MOSMO: variants seen among roughly 807,000 people sequenced by gnomAD.
MOSMO encodes the protein modulator of smoothened, also known as modulator of smoothened protein.
A neutral mutation model predicts 18.4 loss-of-function variants in MOSMO; 5 were observed. The observed-to-expected ratio is 0.27, with a 90% CI of 0.14 to 0.57. The LOEUF is 0.57. MOSMO is among the 20% of genes least tolerant of loss of function. The pLI is 0.92. For synonymous variants in MOSMO, 82 were observed against 82.3 expected (o/e 1.00, Z 0.02); for missense variants, 138 against 211.8 (o/e 0.65, Z 2.16).
intron 1 of MOSMO, among the ~76,000 whole-genome samples, chr16:22,023,406 C>A (rs1187577682): frequency 6.6e-6 from 1 of 152,138 alleles, no homozygotes; most frequent in African/African-American, 2.4e-5. Flanking sequence ...TTAAGTGGAC[C>A]ACCCTGTATT....
chr16:22,051,346 C>A (rs762829528), intron 1 of MOSMO, among the ~76,000 whole-genome samples: 1 of 151,654 alleles, frequency 6.6e-6, no homozygotes, highest in Non-Finnish European at 1.5e-5. Context: ...CAAGATGGTG[C>A]CTGCACTCCA....
chr16:22,010,934 A>G (rs541048288), intron 1 of MOSMO, among the ~76,000 whole-genome samples: 2 of 139,770 alleles, frequency 1.4e-5, no homozygotes, highest in South Asian at 2.4e-4. Flanking sequence ...AAGAAAACAG[A>G]AAAAAAAAAA....
At chr16:22,088,338 T>C (rs1901227298), downstream of MOSMO, among the ~76,000 whole-genome samples, 1 of 152,220 alleles carries the variant, frequency 6.6e-6, no homozygotes, top group South Asian at 2.1e-4. Flanking sequence ...ATTTGTGATG[T>C]AGATTTTTCT....
chr16:22,010,916 G>A (rs532565569), intron 1 of MOSMO, among the ~76,000 whole-genome samples: 6 of 147,874 alleles, frequency 4.1e-5, no homozygotes, highest in South Asian at 4.3e-4. Context: ...ATGGTACTCC[G>A]TCTTAAAAAG....
At chr16:22,019,887 T>G (rs949288346) in intron 1 of MOSMO, among the ~76,000 whole-genome samples, 1 of 152,140 alleles carries the variant, frequency 6.6e-6, no homozygotes, top group African/African-American at 2.4e-5. Context: ...TAGCTGCATA[T>G]CCATAGAATT....
At chr16:22,047,195 A>G (rs1333179113) in intron 1 of MOSMO, among the ~76,000 whole-genome samples, 1 of 151,336 alleles carries the variant, frequency 6.6e-6, no homozygotes, top group East Asian at 1.9e-4. Context: ...CAATATACAC[A>G]GAATTATTTC....
At chr16:22,080,620 C>CT in intron 2 of MOSMO, 76 bp from the exon 3 acceptor site, 1 of 996,240 alleles carries the variant, frequency 1.0e-6, no homozygotes. Flanking sequence ...TACAAGCTTC[C>CT]TTTGTGCCAA....
At chr16:22,077,950 T>C (rs1465691988) in intron 2 of MOSMO, among the ~76,000 whole-genome samples, 1 of 152,154 alleles carries the variant, frequency 6.6e-6, no homozygotes, top group Non-Finnish European at 1.5e-5. Flanking sequence ...TACTTTATTA[T>C]GTGTATTTCT....
intron 1 of MOSMO, among the ~76,000 whole-genome samples, chr16:22,040,514 T>C (rs1418550699): frequency 6.6e-6 from 1 of 152,168 alleles, no homozygotes; most frequent in Admixed American, 6.5e-5. Context: ...GGGTGATTGA[T>C]GGAGTGACAG....
intron 1 of MOSMO, among the ~76,000 whole-genome samples, chr16:22,018,290 T>C (rs1156471678): frequency 6.6e-6 from 1 of 152,198 alleles, no homozygotes; most frequent in Non-Finnish European, 1.5e-5. Context: ...AATTTCATTA[T>C]TGCAATATAT....
chr16:22,064,207 T>C, intron 1 of MOSMO: 1 of 423,030 alleles, frequency 2.4e-6, no homozygotes, highest in Non-Finnish European at 4.7e-6. Flanking sequence ...CCACAGGCAG[T>C]CCTTTTCTGT....
intron 1 of MOSMO, among the ~76,000 whole-genome samples, chr16:22,046,112 C>G (rs1900305179): frequency 6.7e-6 from 1 of 149,812 alleles, no homozygotes; most frequent in Admixed American, 6.7e-5. Context: ...CTGGCCATAT[C>G]ATCACCATGA....
Position 22,008,417 on chromosome 16 carries a change from T to C in MOSMO, c.106+10T>C, listed in dbSNP as rs1406119920. The C allele has an allele frequency of 7.9e-7, 1 of 1,266,946 alleles. No homozygotes were observed. Among genetic ancestry groups the C allele is most frequent in the South Asian group, 1.7e-5 (1 of 58,428 alleles). 78.5% of individuals were successfully genotyped at this position (1,266,946 alleles called of 1,614,324 possible). On this transcript the variant is annotated intron_variant, in intron 1 of 2. Coordinates refer to ENST00000542527, the MANE Select transcript of MOSMO (RefSeq NM_001164579.2). ...ACCGGGGAGTCTGCGGGTGAGCCGC[T>C]GGCGCGCCGGGCCGGGCGGGGGATT...
chr16:22,036,162 T>G (rs1024578143), intron 1 of MOSMO, among the ~76,000 whole-genome samples: 5 of 152,184 alleles, frequency 3.3e-5, no homozygotes, highest in African/African-American at 1.2e-4. Context: ...AGTCTCGCTC[T>G]CTCTCCCAGG....
chr16:22,069,861 G>A (rs1307235948), intron 1 of MOSMO, among the ~76,000 whole-genome samples: 1 of 152,134 alleles, frequency 6.6e-6, no homozygotes, highest in Non-Finnish European at 1.5e-5. Context: ...TTGGCATATG[G>A]GATAGTTTTG....
Position 22,084,594 on chromosome 16 carries a change from C to T in MOSMO, c.*3714C>T, listed in dbSNP as rs1901138115. 6.6e-6 allele frequency: 1 copy of T among 152,130 alleles called. No homozygotes were observed. The highest frequency in any genetic ancestry group is 2.1e-4 in the South Asian group (1 of 4,828). The allele number at this position is 152,130 out of a possible 1,614,324, so 9.4% of individuals were successfully genotyped here. A position where few individuals can be genotyped will look rare whatever the true frequency, so the allele number is the denominator to read the frequency against. The stretch of plus-strand genomic sequence containing the variant: ...TATAAAATGAACATAATTTTCCTCA[C>T]TTGTATTTTTGTTATTGAGCAAGTT... On this transcript the variant is annotated 3_prime_UTR_variant, in exon 3 of 3. Transcript: ENST00000542527.
At chr16:22,046,299 T>G (rs1484931149) in intron 1 of MOSMO, among the ~76,000 whole-genome samples, 1 of 152,198 alleles carries the variant, frequency 6.6e-6, no homozygotes, top group Non-Finnish European at 1.5e-5. Flanking sequence ...GTGGTAGTTA[T>G]GTTCTGTAAA....
At chr16:22,044,158 T>A (rs1900263538) in intron 1 of MOSMO, among the ~76,000 whole-genome samples, 1 of 150,932 alleles carries the variant, frequency 6.6e-6, no homozygotes, top group Admixed American at 6.6e-5. Flanking sequence ...ATTATAGGAG[T>A]TTCAATCAAG....
chr16:22,076,076 T>C, intron 2 of MOSMO: 1 of 175,168 alleles, frequency 5.7e-6, no homozygotes, highest in Non-Finnish European at 1.2e-5. Flanking sequence ...AAAATATAAA[T>C]TAGATGAAGG....
Sources: allele counts gnomAD v4.1 joint callset (sites outside exome capture counted in the v4.1 genomes callset), GRCh38; gene constraint gnomAD v4.1.1; transcripts MANE v1.5; gene names NCBI Gene and HGNC (gene_info 2026-07-23, HGNC 2026-07-21).